ACER1: variants seen among roughly 807,000 people sequenced by gnomAD.
ACER1 encodes alkaline ceramidase 1, also known as CTB-180A7.3.
In ACER1, 28 loss-of-function variants were observed where a neutral mutation model predicts 24.9. The observed-to-expected ratio is 1.13, with a 90% CI of 0.83 to 1.54. The LOEUF (loss-of-function observed/expected upper bound fraction) is 1.54. ACER1 is among the 40% of genes most tolerant of loss of function. The pLI, the probability that ACER1 is intolerant of heterozygous loss-of-function variation, is 0.00. For synonymous variants in ACER1, 132 were observed against 131.4 expected, an observed-to-expected ratio of 1.00 and a Z score of -0.03; for missense variants, 352 against 349.3, an observed-to-expected ratio of 1.01 and a Z score of -0.06.
chr19:6,346,280 C>G, the ACER1 span, among the ~76,000 whole-genome samples: 4 of 152,096 alleles, frequency 2.6e-5, no homozygotes, highest in Non-Finnish European at 5.9e-5. Flanking sequence ...GGAAGTATCT[C>G]TTCAACTGAG....
At chr19:6,349,775 T>C in the ACER1 span, among the ~76,000 whole-genome samples, 1 of 152,068 alleles carries the variant, frequency 6.6e-6, no homozygotes, top group East Asian at 1.9e-4. Context: ...ATCCTAAACA[T>C]GGAAGCTGGA....
chr19:6,309,545 C>T (rs2091567285), intron 4 of ACER1, 152 bp downstream of exon 4: 3 of 1,003,516 alleles, frequency 3.0e-6, no homozygotes, highest in East Asian at 2.5e-5. Context: ...ATAATAAGGA[C>T]AAACTCTGCA....
the ACER1 span, among the ~76,000 whole-genome samples, chr19:6,343,099 C>T: frequency 9.2e-4 from 140 of 152,192 alleles, no homozygotes; most frequent in Non-Finnish European, 1.9e-3. Context: ...TTTAACTTGC[C>T]GATTCCGAGT....
rs921447221 is a variant in ACER1, at chr19:6,306,620, C to G, written c.*94G>C. On this transcript the variant is annotated 3_prime_UTR_variant, in exon 6 of 6. Transcript: ENST00000301452. ...GAAGGGGAAACAGAGGAAGGAACCA[C>G]GAGTGTCCCGCAGGTGCAAGTCCTG... 1 of 1,435,602 alleles carries G rather than the reference C, an allele frequency of 7.0e-7. No homozygotes were observed. The highest frequency in any genetic ancestry group is 9.5e-7 in the Non-Finnish European group (1 of 1,058,096). 88.9% of individuals were successfully genotyped at this position (1,435,602 alleles called of 1,614,324 possible).
chr19:6,342,631 A>G, the ACER1 span, among the ~76,000 whole-genome samples: 2 of 148,256 alleles, frequency 1.3e-5, no homozygotes, highest in African/African-American at 2.5e-5. Context: ...AGGCAGGAGA[A>G]TGGCGTGAAC....
the ACER1 span, chr19:6,360,329 TAA>T: frequency 6.6e-6 from 1 of 151,142 alleles, no homozygotes; most frequent in Non-Finnish European, 1.5e-5. Context: ...AGACCCAGGC[TAA>T]GTCCTCTCTG....
chr19:6,338,779 C>T, the ACER1 span, among the ~76,000 whole-genome samples: 1 of 152,052 alleles, frequency 6.6e-6, no homozygotes, highest in Non-Finnish European at 1.5e-5. Flanking sequence ...CTCACTATGT[C>T]TCCCAGACTG....
the ACER1 span, among the ~76,000 whole-genome samples, chr19:6,348,987 C>T: frequency 1.3e-5 from 2 of 151,424 alleles, no homozygotes; most frequent in African/African-American, 2.4e-5. Context: ...ACCCAGGAGG[C>T]GCGGGTTGCA....
intron 1 of ACER1, among the ~76,000 whole-genome samples, chr19:6,315,852 A>C (rs1324761992): frequency 6.6e-6 from 1 of 152,204 alleles, no homozygotes; most frequent in Non-Finnish European, 1.5e-5. Flanking sequence ...GAATGAGCCC[A>C]GGTGTGGTGA....
chr19:6,320,114 A>G (rs2091622675), intron 1 of ACER1, among the ~76,000 whole-genome samples: 1 of 151,556 alleles, frequency 6.6e-6, no homozygotes, highest in Admixed American at 6.6e-5. Flanking sequence ...AAAAAAAAAA[A>G]AAAAAAGGAA....
intron 1 of ACER1, among the ~76,000 whole-genome samples, chr19:6,320,375 C>T (rs1385777173): frequency 1.3e-5 from 2 of 152,064 alleles, no homozygotes; most frequent in Non-Finnish European, 2.9e-5. Context: ...TGTAGCGGCG[C>T]GATCTCGGCT....
intron 1 of ACER1, among the ~76,000 whole-genome samples, chr19:6,313,988 C>T (rs988526584): frequency 5.9e-5 from 9 of 152,194 alleles, no homozygotes; most frequent in South Asian, 2.1e-4. Flanking sequence ...AGGTGATGGC[C>T]GGGCATGGTG....
At chr19:6,349,778 A>G in the ACER1 span, among the ~76,000 whole-genome samples, 1 of 152,036 alleles carries the variant, frequency 6.6e-6, no homozygotes, top group Admixed American at 6.6e-5. Context: ...CTAAACATGG[A>G]AGCTGGAGGT....
the ACER1 span, among the ~76,000 whole-genome samples, chr19:6,341,041 A>G: frequency 2.6e-5 from 4 of 151,870 alleles, no homozygotes; most frequent in African/African-American, 9.7e-5. Flanking sequence ...GTCTAGAGGC[A>G]ACCCATGTCC....
rs539184627 is a variant in ACER1, at chr19:6,312,450, A to T, written c.143T>A (p.Met48Lys). ...FIFGPLMMLL[M>K]HPYAQKRSRY... ...GGAGCGCTTCTGGGCATACGGGTGC[A>T]TCAGGAGCATCATCAGTGGCCCGAA... Residue 48 changes from methionine to lysine, a missense_variant, in exon 2 of 6, where the codon ATG (methionine) becomes AAG (lysine). Physicochemically the swap from Met to Lys is moderately conservative, Grantham distance 95 (BLOSUM62 -1). Transcript: ENST00000301452. 6.2e-7 allele frequency: 1 copy of T among 1,614,050 alleles called. No homozygotes were observed. The highest frequency in any genetic ancestry group is 2.2e-5 in the East Asian group (1 of 44,870).
the ACER1 span, among the ~76,000 whole-genome samples, chr19:6,347,098 C>CAAAAAAAAAAAAAA: frequency 2.9e-4 from 24 of 81,976 alleles, no homozygotes; most frequent in African/African-American, 1.1e-3. Flanking sequence ...CCTGTCTCTA[C>CAAAAAAAAAAAAAA]AAAAAAAAAA....
At position 6,312,450 on chromosome 19, in the gene ACER1, A is replaced by G; in HGVS notation, c.143T>C (p.Met48Thr). ...GGAGCGCTTCTGGGCATACGGGTGC[A>G]TCAGGAGCATCATCAGTGGCCCGAA... Reference protein sequence around the residue: ...FIFGPLMMLLMHPYAQKRSRY... With the variant: ...FIFGPLMMLLTHPYAQKRSRY... The change falls in exon 2 of 6, where the codon ATG (methionine) becomes ACG (threonine). Residue 48 changes from methionine to threonine, a missense_variant. Met to Thr is a moderately conservative substitution (Grantham distance 81). Coordinates refer to ENST00000301452, the MANE Select transcript of ACER1 (RefSeq NM_133492.3). 6.2e-7 allele frequency: 1 copy of G among 1,614,050 alleles called. No homozygotes were observed. The highest frequency in any genetic ancestry group is 1.6e-4 in the Middle Eastern group (1 of 6,062).
intron 1 of ACER1, among the ~76,000 whole-genome samples, chr19:6,325,698 G>C (rs2091657822): frequency 6.6e-6 from 1 of 151,806 alleles, no homozygotes; most frequent in South Asian, 2.1e-4. Flanking sequence ...TATTCCCTTT[G>C]CCTCCAAACC....
At chr19:6,324,759 T>G (rs73559832) in intron 1 of ACER1, among the ~76,000 whole-genome samples, 38,454 of 110,474 alleles carry the variant, frequency 0.35, 6,923 homozygotes, top group African/African-American at 0.57. Context: ...CAAAACAAAA[T>G]AAAATAAAGA....
Sources: gnomAD v4.1 joint callset for allele counts (sites outside exome capture counted in the v4.1 genomes callset) on GRCh38, gnomAD v4.1.1 for gene constraint, MANE v1.5 for transcripts, NCBI Gene and HGNC (gene_info 2026-07-23, HGNC 2026-07-21) for gene names.